The following PARD3 variants were observed in gnomAD, a reference collection of about 807,000 sequenced individuals.
PARD3 encodes par-3 family cell polarity regulator.
Under a neutral mutation model 155.4 loss-of-function variants are expected in PARD3, and 75 were observed. The observed-to-expected ratio is 0.48, with a 90% CI of 0.40 to 0.58. PARD3 has a LOEUF of 0.58. Among genes scored for constraint, PARD3 ranks in the 20% least tolerant of loss-of-function variants. The pLI, the probability that PARD3 is intolerant of heterozygous loss-of-function variation, is 0.00. For synonymous variants in PARD3, 576 were observed against 610.5 expected, an observed-to-expected ratio of 0.94 and a Z score of 0.83; for missense variants, 1,642 against 1,721.7, an observed-to-expected ratio of 0.95 and a Z score of 0.82.
chr10:34,180,668 G>C (rs1264634499), intron 22 of PARD3, among the ~76,000 whole-genome samples: 1 of 152,046 alleles, frequency 6.6e-6, no homozygotes, highest in African/African-American at 2.4e-5. Flanking sequence ...CTACAACTTG[G>C]AAAAAGCTAG....
intron 2 of PARD3, among the ~76,000 whole-genome samples, chr10:34,585,417 T>C (rs1385070902): frequency 3.3e-5 from 5 of 152,184 alleles, no homozygotes; most frequent in Non-Finnish European, 7.4e-5. Flanking sequence ...ATCAATCTAT[T>C]AGGAACTGAA....
chr10:34,379,687 G>C (rs553191968), intron 9 of PARD3, among the ~76,000 whole-genome samples: 1 of 152,096 alleles, frequency 6.6e-6, no homozygotes, highest in Non-Finnish European at 1.5e-5. Context: ...GGAAAGATAA[G>C]TAGATATCAA....
At chr10:34,594,600 G>A (rs1178523811) in intron 2 of PARD3, among the ~76,000 whole-genome samples, 2 of 152,126 alleles carry the variant, frequency 1.3e-5, no homozygotes, top group Admixed American at 6.6e-5. Flanking sequence ...AGAGGAGGAC[G>A]ACAAAAAGAA....
At chr10:34,742,159 A>G (rs2095030814) in intron 1 of PARD3, among the ~76,000 whole-genome samples, 1 of 152,096 alleles carries the variant, frequency 6.6e-6, no homozygotes, top group Non-Finnish European at 1.5e-5. Context: ...AGTTTCCTCC[A>G]CTCAATTAAA....
intron 1 of PARD3, among the ~76,000 whole-genome samples, chr10:34,767,921 CAA>C (rs1050955199): frequency 7.1e-6 from 1 of 140,570 alleles, no homozygotes; most frequent in Non-Finnish European, 1.5e-5. Flanking sequence ...GACTCTGTCT[CAA>C]AAAAAAAAGA....
At chr10:34,443,195 A>G (rs1199970454) in intron 5 of PARD3, among the ~76,000 whole-genome samples, 1 of 152,192 alleles carries the variant, frequency 6.6e-6, no homozygotes, top group Non-Finnish European at 1.5e-5. Flanking sequence ...GGAGAAAAAC[A>G]CATTTTTAAA....
At chr10:34,660,617 A>C (rs562717578) in intron 2 of PARD3, among the ~76,000 whole-genome samples, 2 of 152,254 alleles carry the variant, frequency 1.3e-5, no homozygotes, top group South Asian at 4.2e-4. Flanking sequence ...ATTTCAGAAT[A>C]AAGTGTATCT....
At chr10:34,585,153 C>G (rs2087889572) in intron 2 of PARD3, among the ~76,000 whole-genome samples, 1 of 152,184 alleles carries the variant, frequency 6.6e-6, no homozygotes, top group Non-Finnish European at 1.5e-5. Context: ...TCAATTGCCA[C>G]TAACTCTTGG....
chr10:34,495,506 C>T (rs1176509070), intron 3 of PARD3, among the ~76,000 whole-genome samples: 4 of 152,074 alleles, frequency 2.6e-5, no homozygotes, highest in Admixed American at 6.5e-5. Context: ...CAGCGTGCTC[C>T]TGATGTTAAC....
chr10:34,472,733 C>T (rs183185793), intron 3 of PARD3, among the ~76,000 whole-genome samples: 10 of 152,206 alleles, frequency 6.6e-5, no homozygotes, highest in African/African-American at 2.2e-4. Context: ...AAAAGCAGTA[C>T]CCAATATCTA....
chr10:34,433,329 A>G (rs1327974159), intron 5 of PARD3, among the ~76,000 whole-genome samples: 2 of 152,346 alleles, frequency 1.3e-5, no homozygotes, highest in African/African-American at 2.4e-5. Context: ...TTAGACAACT[A>G]AATTACCAAA....
rs1462396717 is a variant in PARD3, at chr10:34,450,444, T to A, written c.587A>T (p.Asp196Val). The change falls in exon 5 of 25, where the codon GAT (aspartate) becomes GTT (valine). Residue 196 changes from aspartate (D) to valine (V), a missense_variant. By Grantham distance (152) the Asp-to-Val change is radical. This residue lies in a region of PARD3 where 1,529 missense variants were observed against 1,587.3 expected (regional missense o/e 0.96). Coordinates refer to ENST00000374788, the MANE Select transcript of PARD3 (RefSeq NM_001184785.2). ...GSPKTCDRKKDENYRSLPRDT... is the reference protein window; with the variant it reads ...GSPKTCDRKKVENYRSLPRDT... ...CCGCGGGAGGCTTCTGTAGTTTTCA[T>A]CTTTCTATTCAAAAAGAAACAAAAA... 6.2e-7 allele frequency: 1 copy of A among 1,606,452 alleles called. No homozygotes were observed. Among genetic ancestry groups the A allele is most frequent in the Non-Finnish European group, 8.5e-7 (1 of 1,178,174 alleles).
chr10:34,374,907 A>G lies in PARD3; in HGVS notation c.1635T>C (p.Phe545=). The change falls in exon 11 of 25, where the codon TTT becomes TTC. Residue 545 remains phenylalanine (F), a synonymous_variant. Transcript: ENST00000374788. ...KMEGTVSLLV[F]RQEDAFHPRE... ...TTGGGTGGAAGGCGTCTTCCTGGCG[A>G]AAGACCAGAAGGCTCACAGTTCCTT... 1 of 1,614,012 alleles carries G rather than the reference A, an allele frequency of 6.2e-7. No individual in the cohort carries two copies. Among genetic ancestry groups the G allele is most frequent in the Non-Finnish European group, 8.5e-7 (1 of 1,179,908 alleles).
At chr10:34,747,754 G>A (rs1835486871) in intron 1 of PARD3, among the ~76,000 whole-genome samples, 1 of 152,206 alleles carries the variant, frequency 6.6e-6, no homozygotes, top group South Asian at 2.1e-4. Flanking sequence ...TGTGAAAGAT[G>A]TTGAAACATG....
At chr10:34,328,608 G>A (rs940903434) in intron 19 of PARD3, among the ~76,000 whole-genome samples, 7 of 152,168 alleles carry the variant, frequency 4.6e-5, no homozygotes, top group African/African-American at 1.7e-4. Context: ...CAAACCCATT[G>A]AGGTACTGCT....
At chr10:34,234,884 T>G (rs1243698678) in intron 22 of PARD3, among the ~76,000 whole-genome samples, 2 of 152,222 alleles carry the variant, frequency 1.3e-5, no homozygotes, top group Non-Finnish European at 2.9e-5. Flanking sequence ...AATAGCTCTC[T>G]TTCTTATAAA....
Position 34,516,113 on chromosome 10 carries a change from C to T in PARD3, c.403+866G>A, listed in dbSNP as rs570921075. Among the ~76,000 whole-genome samples the T allele has an allele frequency of 3.7e-3, 565 of 152,054 alleles. 2 individuals are homozygous for T. Among genetic ancestry groups the T allele is most frequent in the African/African-American group, 0.012 (490 of 41,470 alleles). On this transcript the variant is annotated intron_variant, in intron 3 of 24. Coordinates refer to ENST00000374788, the MANE Select transcript of PARD3 (RefSeq NM_001184785.2). ...CCAAGTAGCTGGGATTACAGGCAAC[C>T]GCCACCACGCCTGGCTAATTTTTGT...
chr10:34,549,135 T>C (rs935657307), intron 2 of PARD3, among the ~76,000 whole-genome samples: 31 of 152,178 alleles, frequency 2.0e-4, no homozygotes, highest in Non-Finnish European at 7.3e-5. Context: ...TGTGATAACA[T>C]AGATAATTCA....
chr10:34,243,851 C>T (rs919764595), intron 22 of PARD3, among the ~76,000 whole-genome samples: 15 of 152,174 alleles, frequency 9.9e-5, no homozygotes, highest in East Asian at 3.9e-4. Context: ...ATTTGACCTG[C>T]GCCATAATTA....
Sources: allele counts gnomAD v4.1 joint callset (sites outside exome capture counted in the v4.1 genomes callset), GRCh38; gene constraint gnomAD v4.1.1; regional missense constraint gnomAD v4.1.1; transcripts MANE v1.5; gene names NCBI Gene and HGNC (gene_info 2026-07-23, HGNC 2026-07-21).